Variants in CLEC10A observed in about 807,000 individuals in gnomAD.
CLEC10A encodes the protein C-type lectin domain containing 10A.
Under a neutral mutation model 42.0 loss-of-function variants are expected in CLEC10A, and 38 were observed. That is an observed-to-expected ratio of 0.90 (90% CI 0.70 to 1.18). The LOEUF (loss-of-function observed/expected upper bound fraction) is 1.18, where lower values mean the gene tolerates loss of function less well. Among genes scored for constraint, CLEC10A ranks in the 50% most tolerant of loss-of-function variants. CLEC10A has a pLI of 0.00. For synonymous variants in CLEC10A, 126 were observed against 139.9 expected (o/e 0.90, Z 0.70); for missense variants, 298 against 345.9 (o/e 0.86, Z 1.10).
In CLEC10A at chr17:7,078,894, T is replaced by C. The variant is rs573174339; in HGVS notation, c.-73-9A>G. ...CCCAGTCTGGGGTGGAGCTGGGGAA[T>C]AGGAGGTTGGGACTAAGTTGGAGCC... On this transcript the variant is annotated splice_polypyrimidine_tract_variant and intron_variant, in intron 1 of 8. Coordinates refer to ENST00000416562, the MANE Select transcript of CLEC10A (RefSeq NM_001330070.2). 3.7e-6 allele frequency: 5 copies of C among 1,366,360 alleles called. No homozygotes were observed. Among genetic ancestry groups the C allele is most frequent in the Admixed American group, 3.4e-5 (2 of 59,564 alleles). 84.6% of individuals were successfully genotyped at this position (1,366,360 alleles called of 1,614,324 possible). A position where few individuals can be genotyped will look rare whatever the true frequency, so the allele number is the denominator to read the frequency against.
chr17:7,078,352 G>T (rs1911980025), intron 2 of CLEC10A: 1 of 520,162 alleles, frequency 1.9e-6, no homozygotes, highest in Non-Finnish European at 3.4e-6. Context: ...GATATGAGGG[G>T]TCCCATGGTC....
Position 7,078,817 on chromosome 17 carries a change from G to A in CLEC10A, c.-5C>T. On this transcript the variant is annotated 5_prime_UTR_variant, in exon 2 of 9. Coordinates refer to ENST00000416562, the MANE Select transcript of CLEC10A (RefSeq NM_001330070.2). ...GTTTTCATACGTCCTTGTCATGCTT[G>A]GGCCAACACGGCTCTGAGGTTGTCA... 1 of 1,613,970 alleles carries A rather than the reference G, an allele frequency of 6.2e-7. No individual in the cohort carries two copies. The highest frequency in any genetic ancestry group is 8.5e-7 in the Non-Finnish European group (1 of 1,179,988).
intron 3 of CLEC10A, 60 bp from the exon 4 acceptor site, chr17:7,077,047 GAGCAGGGCCCTCC>G: frequency 1.7e-6 from 2 of 1,191,938 alleles, no homozygotes; most frequent in Non-Finnish European, 2.5e-6. Context: ...TACCAGCACC[GAGCAGGGCCCTCC>G]ATAAGCATTG....
In CLEC10A at chr17:7,076,006, C is replaced by G. The variant is rs1911712815; in HGVS notation, c.418G>C (p.Val140Leu). The G allele has an allele frequency of 1.9e-6, 3 of 1,614,100 alleles. No individual in the cohort carries two copies. Among genetic ancestry groups the G allele is most frequent in the African/African-American group, 2.7e-5 (2 of 74,938 alleles). The change falls in exon 6 of 9, where the codon GTG (valine) becomes CTG (leucine). Residue 140 changes from valine to leucine, a missense_variant. Around this residue, in one of 3 missense-constraint regions of CLEC10A, gnomAD observed 267 missense variants for 289.5 expected, o/e 0.92. Coordinates refer to ENST00000416562, the MANE Select transcript of CLEC10A (RefSeq NM_001330070.2). ...VQDLKKLTCQ[V>L]ATLNNNASTE... ...TCACCATTGTTGTTGAGAGTAGCCA[C>G]CTGGCAGGTCAGTTTCTTCAGGTCT...
chr17:7,078,038 C>T lies in CLEC10A; in HGVS notation c.143G>A (p.Gly48Asp). The change falls in exon 3 of 9, where the codon GGC (glycine) becomes GAC (aspartate). Residue 48 changes from glycine to aspartate, a missense_variant. By Grantham distance (94) the Gly-to-Asp change is moderately conservative (BLOSUM62 -1). Coordinates refer to ENST00000416562, the MANE Select transcript of CLEC10A (RefSeq NM_001330070.2). ...ACAGATGATGACCAGCAGCAGGAGG[C>T]CGAGGCCCAGGGACAGCAGGAGATG... Reference protein sequence around the residue: ...PCHLLLSLGLGLLLLVIICVV... With the variant: ...PCHLLLSLGLDLLLLVIICVV... 1.2e-6 allele frequency: 2 copies of T among 1,613,944 alleles called. No individual in the cohort carries two copies. Among genetic ancestry groups the T allele is most frequent in the Non-Finnish European group, 1.7e-6 (2 of 1,179,896 alleles).
At chr17:7,075,947 A>G (rs1911705867) in intron 6 of CLEC10A, 38 bp downstream of exon 6, 1 of 1,613,152 alleles carries the variant, frequency 6.2e-7, no homozygotes, top group South Asian at 1.1e-5. Flanking sequence ...GGCCATGGGC[A>G]GAAAAGTAGG....
rs1455361364 is a variant in CLEC10A, at chr17:7,078,852, T to C, written c.-40A>G. ...GGCTCTGAGGTTGTCACAGCTGAAA[T>C]GGAGGCAGGGCCGGCGCCCAGTCTG... On this transcript the variant is annotated 5_prime_UTR_variant, in exon 2 of 9. Transcript: ENST00000416562. The C allele has an allele frequency of 6.2e-7, 1 of 1,605,988 alleles. No homozygotes were observed. The highest frequency in any genetic ancestry group is 1.3e-5 in the African/African-American group (1 of 74,830).
chr17:7,078,850 A>C lies in CLEC10A; in HGVS notation c.-38T>G. The C allele has an allele frequency of 6.2e-7, 1 of 1,607,372 alleles. No homozygotes were observed. The highest frequency in any genetic ancestry group is 8.5e-7 in the Non-Finnish European group (1 of 1,173,884). On this transcript the variant is annotated 5_prime_UTR_variant, in exon 2 of 9. It adds an upstream start codon to the 5' untranslated region. Coordinates refer to ENST00000416562, the MANE Select transcript of CLEC10A (RefSeq NM_001330070.2). ...ACGGCTCTGAGGTTGTCACAGCTGAAATGGAGGCAGGGCCGGCGCCCAGTC... is the reference window on the plus strand; with the variant it reads ...ACGGCTCTGAGGTTGTCACAGCTGACATGGAGGCAGGGCCGGCGCCCAGTC...
At chr17:7,077,898 G>T in intron 3 of CLEC10A, 99 bp downstream of exon 3, 2 of 886,872 alleles carry the variant, frequency 2.3e-6, no homozygotes, top group Non-Finnish European at 3.7e-6. Flanking sequence ...TCCTACTGTG[G>T]ACCTCACCAT....
chr17:7,075,475 AC>A lies in CLEC10A; in HGVS notation c.595-10del. On this transcript the variant is annotated splice_polypyrimidine_tract_variant and intron_variant, in intron 7 of 8. Transcript: ENST00000416562. ...TATTTCTGGACAAAATTCTGCGGTG[AC>A]AGAAGGGCAGTGGTGACTTCTTCCC... 1 of 1,529,986 alleles carries A rather than the reference AC, an allele frequency of 6.5e-7. No homozygotes were observed. The highest frequency in any genetic ancestry group is 8.8e-7 in the Non-Finnish European group (1 of 1,140,406). 94.8% of individuals were successfully genotyped at this position (1,529,986 alleles called of 1,614,324 possible).
chr17:7,076,162 G>A lies in CLEC10A; in HGVS notation c.353-91C>T, dbSNP rs1475766561. The stretch of plus-strand genomic sequence containing the variant: ...TGGAGCTCAGATACCCCTGCACAGG[G>A]CCAAGCCAGGGAATGTTCCTTCCCG... On this transcript the variant is annotated intron_variant, in intron 5 of 8. Coordinates refer to ENST00000416562, the MANE Select transcript of CLEC10A (RefSeq NM_001330070.2). 3.1e-6 allele frequency: 5 copies of A among 1,611,848 alleles called. No homozygotes were observed. In the African/African-American group the frequency reaches 6.7e-5, roughly 22 times the overall value.
chr17:7,077,028 G>A (rs1239507526), intron 3 of CLEC10A, 41 bp from the exon 4 acceptor site: 2 of 1,424,468 alleles, frequency 1.4e-6, no homozygotes, highest in Non-Finnish European at 2.0e-6. Flanking sequence ...GGATTCATCA[G>A]GTCCTCTGTA....
At chr17:7,077,079 G>A in intron 3 of CLEC10A, 92 bp from the exon 4 acceptor site, 1 of 865,128 alleles carries the variant, frequency 1.2e-6, no homozygotes, top group Non-Finnish European at 2.0e-6. Context: ...TGCCTTATTG[G>A]GTCCTCACGG....
chr17:7,076,633 C>T, intron 5 of CLEC10A, 100 bp downstream of exon 5: 1 of 1,348,302 alleles, frequency 7.4e-7, no homozygotes, highest in Non-Finnish European at 1.1e-6. Context: ...TTTCAAGCTG[C>T]TGGCTGAAGG....
chr17:7,080,025 T>A (rs1343127153), intron 1 of CLEC10A, 27 bp downstream of exon 1: 1 of 152,248 alleles, frequency 6.6e-6, no homozygotes, highest in Non-Finnish European at 1.5e-5. Context: ...GTCCCCTGGG[T>A]CTCACCGGCA....
intron 2 of CLEC10A, 82 bp downstream of exon 2, chr17:7,078,664 G>A (rs1197883319): frequency 1.5e-6 from 2 of 1,369,408 alleles, no homozygotes; most frequent in African/African-American, 2.9e-5. Context: ...CAGTGCGCGT[G>A]GTGGAGGTAC....
chr17:7,075,809 C>A lies in CLEC10A; in HGVS notation c.516G>T (p.Gly172=). The A allele has an allele frequency of 6.2e-7, 1 of 1,614,166 alleles. No individual in the cohort carries two copies. The highest frequency in any genetic ancestry group is 8.5e-7 in the Non-Finnish European group (1 of 1,180,024). The part of the protein sequence containing the change: ...QDSCYWFSHS[G]MSWAEAEKYC... ...ACTTCTCAGCCTCGGCCCAGGACAT[C>A]CCAGAGTGAGAGAACCAGTAGCAGC... The change falls in exon 7 of 9, where the codon GGG becomes GGT. Residue 172 remains glycine (G), a synonymous_variant. Transcript: ENST00000416562.
intron 3 of CLEC10A, among the ~76,000 whole-genome samples, chr17:7,077,778 A>T (rs1457619451): frequency 2.3e-5 from 1 of 43,168 alleles, no homozygotes; most frequent in Non-Finnish European, 4.7e-5. Context: ...TCAGTGCCCC[A>T]TCAGTGCTTC....
intron 7 of CLEC10A, 53 bp downstream of exon 7, chr17:7,075,678 A>G: frequency 6.2e-7 from 1 of 1,612,974 alleles, no homozygotes; most frequent in Non-Finnish European, 8.5e-7. Flanking sequence ...AAGCTTAAGA[A>G]CCATTTCCCT....
Sources: allele counts gnomAD v4.1 joint callset (sites outside exome capture counted in the v4.1 genomes callset), GRCh38; gene constraint gnomAD v4.1.1; regional missense constraint gnomAD v4.1.1; transcripts MANE v1.5; gene names NCBI Gene and HGNC (gene_info 2026-07-23, HGNC 2026-07-21).